Variants in KDM4C observed in about 807,000 individuals in gnomAD.
KDM4C encodes lysine demethylase 4C.
In KDM4C, 81 loss-of-function variants were observed where a neutral mutation model predicts 129.3. The ratio of observed to expected loss-of-function variants is 0.63; its 90% CI spans 0.52 to 0.75. The LOEUF (loss-of-function observed/expected upper bound fraction) is 0.75. Among genes scored for constraint, KDM4C ranks in the 30% least tolerant of loss-of-function variants. The probability of loss-of-function intolerance (pLI) is 0.00; values close to 1 mark genes in which losing one functional copy is unlikely to be tolerated. For synonymous variants in KDM4C, 573 were observed against 456.1 expected (o/e 1.26, Z -3.26); for missense variants, 1,457 against 1,304.0 (o/e 1.12, Z -1.81).
intron 12 of KDM4C, among the ~76,000 whole-genome samples, chr9:7,006,770 T>G (rs1480800905): frequency 1.3e-5 from 2 of 152,154 alleles, no homozygotes; most frequent in African/African-American, 2.4e-5. Flanking sequence ...TCCTCGAGTT[T>G]TTAATTCTGC....
In KDM4C at chr9:6,911,446, G is replaced by A. The variant is rs568226775; in HGVS notation, c.921+18214G>A. On this transcript the variant is annotated intron_variant, in intron 8 of 21. Transcript: ENST00000381309. ...TGTAATGATGACTGTGGGCTGTCAA[G>A]CTAGTTAATGATTTTGATGAATTAC... Among the ~76,000 whole-genome samples the A allele has an allele frequency of 1.5e-3, 228 of 152,286 alleles. 2 individuals carry two copies. The highest frequency in any genetic ancestry group is 5.2e-3 in the African/African-American group (215 of 41,560).
intron 1 of KDM4C, among the ~76,000 whole-genome samples, chr9:6,748,489 A>G (rs1284997933): frequency 6.6e-6 from 1 of 151,710 alleles, no homozygotes. Context: ...CCTGGGCAAC[A>G]AGAGTGAAAC....
chr9:7,157,749 G>C (rs1267895263), intron 19 of KDM4C, among the ~76,000 whole-genome samples: 1 of 152,106 alleles, frequency 6.6e-6, no homozygotes, highest in Non-Finnish European at 1.5e-5. Context: ...TGCTGGATTC[G>C]GTTTGCCAGT....
chr9:6,803,347 C>T (rs1029931251), intron 2 of KDM4C, among the ~76,000 whole-genome samples: 9 of 151,830 alleles, frequency 5.9e-5, no homozygotes, highest in African/African-American at 1.9e-4. Context: ...CAGAGGTGGT[C>T]GGATCACGCT....
At chr9:6,914,986 A>G (rs997289883) in intron 8 of KDM4C, among the ~76,000 whole-genome samples, 10 of 152,230 alleles carry the variant, frequency 6.6e-5, no homozygotes, top group African/African-American at 1.2e-4. Flanking sequence ...CTGTCTACCT[A>G]TCTTTCTCTA....
intron 1 of KDM4C, among the ~76,000 whole-genome samples, chr9:6,785,637 T>G (rs1035196458): frequency 2.4e-4 from 36 of 152,204 alleles, no homozygotes; most frequent in African/African-American, 8.4e-4. Flanking sequence ...GCGCCTGGCT[T>G]CTTCTCTTCC....
chr9:7,112,350 T>G (rs149809914), intron 18 of KDM4C, among the ~76,000 whole-genome samples: 146 of 151,864 alleles, frequency 9.6e-4, no homozygotes, highest in African/African-American at 3.4e-3. Context: ...TGGGAGTGGA[T>G]TAGAGAGTAG....
At chr9:6,957,684 A>T (rs540603628) in intron 8 of KDM4C, among the ~76,000 whole-genome samples, 28 of 151,946 alleles carry the variant, frequency 1.8e-4, no homozygotes, top group Admixed American at 5.9e-4. Flanking sequence ...TGGAACCAGG[A>T]GTGGGTCTGG....
intron 4 of KDM4C, among the ~76,000 whole-genome samples, chr9:6,830,723 A>G (rs1419598002): frequency 6.6e-6 from 1 of 152,250 alleles, no homozygotes; most frequent in Non-Finnish European, 1.5e-5. Flanking sequence ...GTGAAGAATG[A>G]AGAATGAAAA....
intron 1 of KDM4C, among the ~76,000 whole-genome samples, chr9:6,773,192 G>A (rs1167925603): frequency 4.0e-5 from 6 of 151,638 alleles, no homozygotes; most frequent in Admixed American, 3.9e-4. Flanking sequence ...TGGAGAGACA[G>A]GGTCTCCCTA....
intron 8 of KDM4C, among the ~76,000 whole-genome samples, chr9:6,924,338 C>G (rs1176886467): frequency 6.6e-6 from 1 of 152,108 alleles, no homozygotes. Context: ...CCTGTCTGCC[C>G]AGGGTTGCAG....
intron 4 of KDM4C, among the ~76,000 whole-genome samples, chr9:6,844,086 C>G (rs534697322): frequency 6.6e-6 from 1 of 152,158 alleles, no homozygotes; most frequent in African/African-American, 2.4e-5. Context: ...TTCATCCTGC[C>G]TCAGCCTCCT....
Position 6,834,299 on chromosome 9 carries a change from A to G in KDM4C, c.436-15208A>G, listed in dbSNP as rs548497034. Reference sequence around the variant, plus strand: ...CAATCTGCTCGCCTTGGCCTCCCAAAGTGCTGAGATTACAGCATGAGCCAC... The same window carrying G: ...CAATCTGCTCGCCTTGGCCTCCCAAGGTGCTGAGATTACAGCATGAGCCAC... On this transcript the variant is annotated intron_variant, in intron 4 of 21. Coordinates refer to ENST00000381309, the MANE Select transcript of KDM4C (RefSeq NM_015061.6). 2.7e-4 allele frequency among the ~76,000 whole-genome samples: 41 copies of G among 152,104 alleles called. No individual in the cohort carries two copies. The East Asian group carries it at 2.9e-3, about 11-fold the overall frequency.
chr9:6,844,716 C>T (rs889904923), intron 4 of KDM4C, among the ~76,000 whole-genome samples: 1 of 152,088 alleles, frequency 6.6e-6, no homozygotes, highest in Admixed American at 6.6e-5. Flanking sequence ...GAGATGGAGT[C>T]TCGCTTTGTT....
chr9:6,977,324 C>G (rs1563920520), intron 8 of KDM4C, among the ~76,000 whole-genome samples: 1 of 151,754 alleles, frequency 6.6e-6, no homozygotes, highest in Non-Finnish European at 1.5e-5. Flanking sequence ...AAATATTATC[C>G]TCTTTAGGTT....
At chr9:6,999,152 C>T (rs11789300) in intron 12 of KDM4C, among the ~76,000 whole-genome samples, 71,212 of 151,990 alleles carry the variant, frequency 0.47, 17,207 homozygotes, top group Non-Finnish European at 0.52. Context: ...TTGCCCTTTA[C>T]CTTTTGTAGA....
chr9:6,794,925 G>T (rs1039381254), intron 2 of KDM4C, among the ~76,000 whole-genome samples: 1 of 152,130 alleles, frequency 6.6e-6, no homozygotes, highest in African/African-American at 2.4e-5. Flanking sequence ...TGGTTTGTGT[G>T]TCCCTTCTAT....
intron 1 of KDM4C, among the ~76,000 whole-genome samples, chr9:6,739,633 A>ATT (rs34006315): frequency 3.1e-4 from 43 of 138,974 alleles, no homozygotes; most frequent in African/African-American, 5.3e-4. Context: ...TGCAGGGTAG[A>ATT]TTTTTTTTTT....
intron 1 of KDM4C, among the ~76,000 whole-genome samples, chr9:6,787,686 G>C (rs943917057): frequency 1.3e-5 from 2 of 152,180 alleles, no homozygotes. Context: ...ACTTGCCTGG[G>C]TTAGTGTAAA....
Sources: allele counts gnomAD v4.1 joint callset (sites outside exome capture counted in the v4.1 genomes callset), GRCh38; gene constraint gnomAD v4.1.1; transcripts MANE v1.5; gene names NCBI Gene and HGNC (gene_info 2026-07-23, HGNC 2026-07-21).